USP30: variants seen among roughly 807,000 people sequenced by gnomAD.
The protein encoded by USP30 is ubiquitin carboxyl-terminal hydrolase 30.
A neutral mutation model predicts 68.2 loss-of-function variants in USP30; 41 were observed. That is an observed-to-expected ratio of 0.60 (90% CI 0.47 to 0.78). The LOEUF is 0.78. Among genes scored for constraint, USP30 ranks in the 30% least tolerant of loss-of-function variants. The pLI is 0.00. For missense variants in USP30, 522 were observed against 649.4 expected, an observed-to-expected ratio of 0.80 and a Z score of 2.13; for synonymous variants, 229 against 253.7, an observed-to-expected ratio of 0.90 and a Z score of 0.93.
At chr12:109,056,398 G>T (rs561564887) in intron 1 of USP30, among the ~76,000 whole-genome samples, 2 of 152,202 alleles carry the variant, frequency 1.3e-5, no homozygotes, top group African/African-American at 4.8e-5. Context: ...TCCACATGTT[G>T]CCCAGGCTGA....
At chr12:109,047,733 G>A (rs979207604), upstream of USP30, 6 of 152,254 alleles carry the variant, frequency 3.9e-5, no homozygotes, top group African/African-American at 1.4e-4. Context: ...GGCATTTAAA[G>A]AGAGGGTACT....
intron 3 of USP30, among the ~76,000 whole-genome samples, chr12:109,062,408 C>T (rs2041101627): frequency 6.9e-6 from 1 of 145,168 alleles, no homozygotes; most frequent in African/African-American, 2.6e-5. Flanking sequence ...GATCTCGGCT[C>T]ACTGCAAGCT....
intron 7 of USP30, among the ~76,000 whole-genome samples, chr12:109,074,107 A>G (rs886984123): frequency 6.6e-6 from 1 of 152,206 alleles, no homozygotes; most frequent in African/African-American, 2.4e-5. Context: ...TGGATGCTTC[A>G]TATAAATGGA....
chr12:109,055,379 C>CATATATATATATATATATAT (rs71443831), intron 1 of USP30, among the ~76,000 whole-genome samples: 1 of 58,950 alleles, frequency 1.7e-5, no homozygotes, highest in African/African-American at 6.9e-5. Context: ...CATATATATA[C>CATATATATATATATATATAT]ATATATATAT....
intron 7 of USP30, among the ~76,000 whole-genome samples, chr12:109,080,123 G>C (rs1006044030): frequency 6.6e-6 from 1 of 152,072 alleles, no homozygotes; most frequent in Admixed American, 6.5e-5. Flanking sequence ...CCCTGTGCAC[G>C]TGTGGTTCAG....
Position 109,067,484 on chromosome 12 carries a change from C to T in USP30, c.377-40C>T, listed in dbSNP as rs188526798. 382 of 1,558,352 alleles carry T rather than the reference C, an allele frequency of 2.5e-4. 3 individuals carry two copies. In the African/African-American group the frequency reaches 4.6e-3, roughly 19 times the overall value. On this transcript the variant is annotated intron_variant, in intron 3 of 12. Transcript: ENST00000257548. ...GCAAGTTTTCTGGTTAGTTGTTATG[C>T]TGATGAATTTAATAATTGTCTTACC...
At chr12:109,050,016 C>T (rs976167878), upstream of USP30, among the ~76,000 whole-genome samples, 6 of 152,046 alleles carry the variant, frequency 3.9e-5, no homozygotes, top group African/African-American at 1.4e-4. Flanking sequence ...ATATGCCGGG[C>T]GGGGCACGGT....
intron 3 of USP30, among the ~76,000 whole-genome samples, chr12:109,061,247 CAT>C (rs2041055544): frequency 6.6e-6 from 1 of 152,150 alleles, no homozygotes; most frequent in Non-Finnish European, 1.5e-5. Flanking sequence ...GAAATGTCCA[CAT>C]GAGTTATCCT....
At chr12:109,055,524 A>G (rs545059535) in intron 1 of USP30, among the ~76,000 whole-genome samples, 1 of 144,920 alleles carries the variant, frequency 6.9e-6, no homozygotes, top group Admixed American at 7.3e-5. Flanking sequence ...CTCGGCCTCC[A>G]GAGTAGCTGG....
At chr12:109,081,461 G>T (rs2041792327) in intron 8 of USP30, 68 bp downstream of exon 8, 16 of 1,532,834 alleles carry the variant, frequency 1.0e-5, no homozygotes, top group Non-Finnish European at 1.4e-5. Flanking sequence ...GGGCTTTGAG[G>T]CATTTTATGT....
At chr12:109,043,578 A>G (rs2040579522) in intron 3 of USP30, among the ~76,000 whole-genome samples, 1 of 152,228 alleles carries the variant, frequency 6.6e-6, no homozygotes, top group East Asian at 1.9e-4. Flanking sequence ...AAGTTAATTC[A>G]AAATGGGTAA....
chr12:109,085,169 G>C, intron 12 of USP30, 96 bp downstream of exon 12: 3 of 1,237,662 alleles, frequency 2.4e-6, no homozygotes, highest in Non-Finnish European at 3.2e-6. Flanking sequence ...AAATATAGAT[G>C]TTTATTTTTC....
chr12:109,055,322 C>T (rs930552896), intron 1 of USP30, among the ~76,000 whole-genome samples: 1 of 139,428 alleles, frequency 7.2e-6, no homozygotes, highest in Admixed American at 7.9e-5. Flanking sequence ...ATATTTTCTC[C>T]AGTATTCAGT....
At chr12:109,041,437 C>A (rs1307822277) in intron 3 of USP30, among the ~76,000 whole-genome samples, 1 of 151,984 alleles carries the variant, frequency 6.6e-6, no homozygotes, top group African/African-American at 2.4e-5. Context: ...GAGTTTGAGA[C>A]CAGCCTGGCC....
chr12:109,081,456 T>C (rs2041792243), intron 8 of USP30, 63 bp downstream of exon 8: 14 of 1,567,054 alleles, frequency 8.9e-6, no homozygotes, highest in African/African-American at 1.4e-5. Flanking sequence ...TGAAAGGGCT[T>C]TGAGGCATTT....
At chr12:109,082,801 C>T (rs1206423921) in intron 10 of USP30, 42 bp from the exon 11 acceptor site, 6 of 1,609,848 alleles carry the variant, frequency 3.7e-6, no homozygotes, top group Non-Finnish European at 4.2e-6. Context: ...GTATCCTGCC[C>T]CTGAAACAAC....
intron 7 of USP30, among the ~76,000 whole-genome samples, chr12:109,076,180 G>A (rs934365109): frequency 6.6e-6 from 1 of 152,076 alleles, no homozygotes; most frequent in Non-Finnish European, 1.5e-5. Context: ...ACTATTGTAA[G>A]TGGAATTTAA....
At chr12:109,060,513 G>GT (rs2135729216) in intron 3 of USP30, among the ~76,000 whole-genome samples, 1 of 151,790 alleles carries the variant, frequency 6.6e-6, no homozygotes, top group Admixed American at 6.6e-5. Context: ...TTACTATCCT[G>GT]TTTTTTTAGC....
At chr12:109,030,349 G>A (rs2040472200) in intron 3 of USP30, among the ~76,000 whole-genome samples, 1 of 152,148 alleles carries the variant, frequency 6.6e-6, no homozygotes, top group African/African-American at 2.4e-5. Flanking sequence ...CATGTGCATG[G>A]CAAATGATTG....
Sources: gnomAD v4.1 joint callset for allele counts (sites outside exome capture counted in the v4.1 genomes callset) on GRCh38, gnomAD v4.1.1 for gene constraint, MANE v1.5 for transcripts, NCBI Gene and HGNC (gene_info 2026-07-23, HGNC 2026-07-21) for gene names.